HS3ST1: variants seen among roughly 807,000 people sequenced by gnomAD.
HS3ST1 encodes heparan sulfate-glucosamine 3-sulfotransferase 1.
A neutral mutation model predicts 20.7 loss-of-function variants in HS3ST1; 8 were observed. The observed-to-expected ratio is 0.39, with a 90% CI of 0.23 to 0.70. The LOEUF (loss-of-function observed/expected upper bound fraction) is 0.70. HS3ST1 is among the 30% of genes least tolerant of loss of function. HS3ST1 has a pLI of 0.46. For missense variants in HS3ST1, 436 were observed against 423.4 expected (o/e 1.03, Z -0.26); for synonymous variants, 205 against 190.4 (o/e 1.08, Z -0.63).
chr4:11,417,677 C>T (rs1299855045), intron 1 of HS3ST1, among the ~76,000 whole-genome samples: 1 of 151,980 alleles, frequency 6.6e-6, no homozygotes, highest in African/African-American at 2.4e-5. Context: ...TCGTGTTTTA[C>T]AAAGATTTCT....
intron 1 of HS3ST1, among the ~76,000 whole-genome samples, chr4:11,427,798 G>T (rs1719098884): frequency 6.6e-6 from 1 of 152,188 alleles, no homozygotes; most frequent in South Asian, 2.1e-4. Flanking sequence ...TCCCGCGCCG[G>T]CACCCGGCTT....
In HS3ST1 at chr4:11,396,632, T is replaced by G. The variant is rs139976517; in HGVS notation, c.*2450A>C. ...TGGTGAGATCTAGCAATAAATACCT[T>G]GGGTAAGTCTGGAGTGATGGTTTCT... On this transcript the variant is annotated 3_prime_UTR_variant, in exon 2 of 2. Coordinates refer to ENST00000002596, the MANE Select transcript of HS3ST1 (RefSeq NM_005114.4). 2 of 152,264 alleles carry G rather than the reference T, an allele frequency of 1.3e-5. No homozygotes were observed. Among genetic ancestry groups the G allele is most frequent in the East Asian group, 3.9e-4 (2 of 5,186 alleles). The allele number at this position is 152,264 out of a possible 1,614,324, so 9.4% of individuals were successfully genotyped here.
At chr4:11,431,134 C>T (rs1234507185), upstream of HS3ST1, among the ~76,000 whole-genome samples, 1 of 151,392 alleles carries the variant, frequency 6.6e-6, no homozygotes, top group African/African-American at 2.4e-5. Context: ...TTATAAACGC[C>T]TTGAGCTTGG....
At chr4:11,407,737 T>A (rs1263316687) in intron 1 of HS3ST1, among the ~76,000 whole-genome samples, 1 of 152,246 alleles carries the variant, frequency 6.6e-6, no homozygotes, top group Non-Finnish European at 1.5e-5. Context: ...TCAGGCATAG[T>A]GCTTTCCAAA....
In HS3ST1 at chr4:11,419,476, C is replaced by T. The variant is rs138056639; in HGVS notation, c.-109+9223G>A. 4.7e-3 allele frequency among the ~76,000 whole-genome samples: 707 copies of T among 151,986 alleles called. 4 individuals carry two copies. Among genetic ancestry groups the T allele is most frequent in the South Asian group, 0.02 (97 of 4,812 alleles). On this transcript the variant is annotated intron_variant, in intron 1 of 1. Transcript: ENST00000002596. ...GGGAACAACACACACCGGGGCCTGT[C>T]GGAGGTTGGGGAGAGGGGAGGAGAG...
At chr4:11,414,581 C>T (rs1267943767) in intron 1 of HS3ST1, among the ~76,000 whole-genome samples, 1 of 152,196 alleles carries the variant, frequency 6.6e-6, no homozygotes, top group Non-Finnish European at 1.5e-5. Flanking sequence ...CTTCCCCAAC[C>T]AGCTAGCGTG....
At chr4:11,426,459 G>T (rs1219080656) in intron 1 of HS3ST1, among the ~76,000 whole-genome samples, 4 of 152,118 alleles carry the variant, frequency 2.6e-5, no homozygotes, top group Non-Finnish European at 5.9e-5. Context: ...ACCCAGGGGG[G>T]GGGCTTGAGG....
chr4:11,411,260 A>G (rs1718626146), intron 1 of HS3ST1, among the ~76,000 whole-genome samples: 1 of 152,226 alleles, frequency 6.6e-6, no homozygotes. Flanking sequence ...TATGAGTAGT[A>G]TGCCCTAGTG....
At chr4:11,402,215 A>G (rs1415422663) in intron 1 of HS3ST1, among the ~76,000 whole-genome samples, 1 of 152,220 alleles carries the variant, frequency 6.6e-6, no homozygotes, top group African/African-American at 2.4e-5. Context: ...TCTTTGAAAA[A>G]CATATTAAAG....
At chr4:11,414,511 G>A (rs187748635) in intron 1 of HS3ST1, among the ~76,000 whole-genome samples, 64 of 152,290 alleles carry the variant, frequency 4.2e-4, no homozygotes, top group Non-Finnish European at 6.3e-4. Context: ...GAATAAAACT[G>A]ACTGTGGCTT....
chr4:11,421,068 T>C (rs1718919938), intron 1 of HS3ST1, among the ~76,000 whole-genome samples: 1 of 151,698 alleles, frequency 6.6e-6, no homozygotes, highest in African/African-American at 2.4e-5. Flanking sequence ...GAAACTCAAA[T>C]TGAATTAGGT....
chr4:11,426,433 T>C (rs890358917), intron 1 of HS3ST1, among the ~76,000 whole-genome samples: 1 of 149,414 alleles, frequency 6.7e-6, no homozygotes, highest in Non-Finnish European at 1.5e-5. Flanking sequence ...AAGTACATGC[T>C]CCAACTTTTA....
chr4:11,399,787 C>T lies in HS3ST1; in HGVS notation c.219G>A (p.Met73Ile), dbSNP rs754019609. Residue 73 changes from methionine to isoleucine, a missense_variant, in exon 2 of 2, where the codon ATG (methionine) becomes ATA (isoleucine). Coordinates refer to ENST00000002596, the MANE Select transcript of HS3ST1 (RefSeq NM_005114.4). This position sits in a 1 kb window ranked among gnomAD's most constrained non-coding sequence, Gnocchi z 5.1. ...RKGGTRALLE[M>I]LSLHPDVAAA... ...CCGCCACGTCGGGGTGCAGGCTGAG[C>T]ATCTCCAGCAGTGCGCGCGTGCCGC... 3 of 1,613,516 alleles carry T rather than the reference C, an allele frequency of 1.9e-6. No homozygotes were observed. The highest frequency in any genetic ancestry group is 2.5e-6 in the Non-Finnish European group (3 of 1,179,958).
rs749231008 is a variant in HS3ST1, at chr4:11,399,452, T to C, written c.554A>G (p.Asn185Ser). The C allele has an allele frequency of 4.3e-6, 7 of 1,613,992 alleles. No individual in the cohort carries two copies. The highest frequency in any genetic ancestry group is 1.3e-5 in the African/African-American group (1 of 75,038). Residue 185 changes from asparagine (N) to serine (S), a missense_variant, in exon 2 of 2, where the codon AAT becomes AGT. Transcript: ENST00000002596. This position sits in a 1 kb window ranked among gnomAD's most constrained non-coding sequence, Gnocchi z 5.1. The stretch of plus-strand genomic sequence containing the variant: ...GCGGTTGAGGGCCTTGTAGTCCACA[T>C]TGAGCCTGCCATCGCGCACCAGGAA... ...EEFLVRDGRL[N>S]VDYKALNRSL...
rs139094851 is a variant in HS3ST1, at chr4:11,399,385, G to A, written c.621C>T (p.Phe207=). 6.2e-7 allele frequency: 1 copy of A among 1,614,020 alleles called. No homozygotes were observed. The highest frequency in any genetic ancestry group is 1.3e-5 in the African/African-American group (1 of 75,032). ...HVHMQNWLRF[F]PLRHIHIVDG... is the part of the protein sequence containing the mutation. ...CCACAATGTGGATGTGGCGCAGCGG[G>A]AAAAAGCGCAGCCAGTTCTGCATGT... The change falls in exon 2 of 2, where the codon TTC becomes TTT. Residue 207 remains phenylalanine (F), a synonymous_variant. Transcript: ENST00000002596. This position sits in a 1 kb window ranked among gnomAD's most constrained non-coding sequence, Gnocchi z 5.1.
chr4:11,426,014 A>G (rs1012121317), intron 1 of HS3ST1, among the ~76,000 whole-genome samples: 3 of 152,160 alleles, frequency 2.0e-5, no homozygotes, highest in African/African-American at 7.2e-5. Flanking sequence ...AAGCTGCTAA[A>G]AAGTTACCAC....
chr4:11,417,821 T>C (rs980553421), intron 1 of HS3ST1, among the ~76,000 whole-genome samples: 2 of 152,202 alleles, frequency 1.3e-5, no homozygotes, highest in Non-Finnish European at 2.9e-5. Context: ...AAGACGGCAG[T>C]AAAAGACAAG....
chr4:11,414,494 G>C (rs1014263653), intron 1 of HS3ST1, among the ~76,000 whole-genome samples: 2 of 152,226 alleles, frequency 1.3e-5, no homozygotes, highest in South Asian at 4.2e-4. Flanking sequence ...TTTCAGAGGC[G>C]TCTAAAGAAT....
At chr4:11,400,987 T>C in intron 1 of HS3ST1, among the ~76,000 whole-genome samples, 1 of 152,192 alleles carries the variant, frequency 6.6e-6, no homozygotes, top group East Asian at 1.9e-4. Context: ...AGATGCATGA[T>C]TGTGGTTTTA....
Sources: gnomAD v4.1 joint callset for allele counts (sites outside exome capture counted in the v4.1 genomes callset) on GRCh38, gnomAD v4.1.1 for gene constraint, Gnocchi (gnomAD v3.1) non-coding constraint, MANE v1.5 for transcripts, NCBI Gene and HGNC (gene_info 2026-07-23, HGNC 2026-07-21) for gene names.